The following TMEM132E variants were observed in gnomAD, a reference collection of about 807,000 sequenced individuals.
The protein encoded by TMEM132E is transmembrane protein 132E.
Under a neutral mutation model 78.5 loss-of-function variants are expected in TMEM132E, and 49 were observed. That is an observed-to-expected ratio of 0.62 (90% CI 0.50 to 0.79). The LOEUF (loss-of-function observed/expected upper bound fraction) is 0.79, where lower values mean the gene tolerates loss of function less well. Among genes scored for constraint, TMEM132E ranks in the 30% least tolerant of loss-of-function variants. The pLI, the probability that TMEM132E is intolerant of heterozygous loss-of-function variation, is 0.00. For synonymous variants in TMEM132E, 715 were observed against 670.6 expected, an observed-to-expected ratio of 1.07 and a Z score of -1.02; for missense variants, 1,403 against 1,470.9, an observed-to-expected ratio of 0.95 and a Z score of 0.75.
At chr17:34,609,199 G>T (rs991820553) in intron 1 of TMEM132E, among the ~76,000 whole-genome samples, 8 of 152,204 alleles carry the variant, frequency 5.3e-5, no homozygotes, top group African/African-American at 1.9e-4. Flanking sequence ...GCCCAGTTCT[G>T]CATGTGGCCT....
chr17:34,607,456 A>G (rs956403175), intron 1 of TMEM132E, among the ~76,000 whole-genome samples: 1 of 152,182 alleles, frequency 6.6e-6, no homozygotes, highest in African/African-American at 2.4e-5. Flanking sequence ...ACAATATTTC[A>G]GACACCAAAT....
At chr17:34,590,459 G>A (rs547098240) in intron 1 of TMEM132E, among the ~76,000 whole-genome samples, 1 of 152,232 alleles carries the variant, frequency 6.6e-6, no homozygotes, top group African/African-American at 2.4e-5. Context: ...GGAGGAAGAG[G>A]GAGAAATGTC....
At chr17:34,618,856 G>A (rs1215192835) in intron 1 of TMEM132E, among the ~76,000 whole-genome samples, 1 of 152,190 alleles carries the variant, frequency 6.6e-6, no homozygotes, top group Admixed American at 6.5e-5. Flanking sequence ...GGGAAGTACG[G>A]CCCTGGAGAG....
intron 1 of TMEM132E, among the ~76,000 whole-genome samples, chr17:34,594,200 C>T (rs1044744074): frequency 2.0e-5 from 3 of 152,184 alleles, no homozygotes; most frequent in Non-Finnish European, 4.4e-5. Flanking sequence ...TATCCCCAAC[C>T]CCTGGGGCCT....
intron 1 of TMEM132E, among the ~76,000 whole-genome samples, chr17:34,601,108 A>T (rs1274972580): frequency 6.6e-6 from 1 of 152,224 alleles, no homozygotes; most frequent in Admixed American, 6.5e-5. Flanking sequence ...TGCAGTTTTC[A>T]GGAGGATTTC....
chr17:34,596,988 C>A (rs1597678182), intron 1 of TMEM132E, among the ~76,000 whole-genome samples: 1 of 152,114 alleles, frequency 6.6e-6, no homozygotes, highest in East Asian at 1.9e-4. Context: ...TCCAGACACG[C>A]AGCCCCTCTG....
rs534238564 is a variant in TMEM132E at position 34,613,058 on chromosome 17, G to T, written c.68-13069G>T. On this transcript the variant is annotated intron_variant, in intron 1 of 8. Coordinates refer to ENST00000631683, the MANE Select transcript of TMEM132E (RefSeq NM_001304438.2). ...GCCCAGGGCTGAATGGGCTGGAGGG[G>T]TGAGGTGGTTCCCCAGCTTCCCCCA... is the stretch of plus-strand genomic sequence containing the variant. Among the ~76,000 whole-genome samples the T allele has an allele frequency of 1.7e-4, 26 of 151,876 alleles. No individual in the cohort carries two copies. In the East Asian group the frequency reaches 4.7e-3, roughly 27 times the overall value.
chr17:34,615,330 C>G (rs1390515494), intron 1 of TMEM132E, among the ~76,000 whole-genome samples: 2 of 152,150 alleles, frequency 1.3e-5, no homozygotes, highest in East Asian at 1.9e-4. Flanking sequence ...TAGTACCCCC[C>G]TCCCCGATTC....
intron 1 of TMEM132E, among the ~76,000 whole-genome samples, chr17:34,601,068 G>T (rs112349397): frequency 1.4e-3 from 207 of 152,322 alleles, no homozygotes; most frequent in Middle Eastern, 3.4e-3. Context: ...TGAAATTTGG[G>T]CAGCAACAGC....
At chr17:34,586,312 C>T (rs992547164) in intron 1 of TMEM132E, among the ~76,000 whole-genome samples, 2 of 151,906 alleles carry the variant, frequency 1.3e-5, no homozygotes, top group Non-Finnish European at 2.9e-5. Context: ...TTTTTAGGAA[C>T]ATAAATTTCT....
Position 34,626,827 on chromosome 17 carries a change from G to A in TMEM132E, c.768G>A (p.Val256=), listed in dbSNP as rs1306936127. The A allele has an allele frequency of 3.2e-6, 5 of 1,552,960 alleles. No homozygotes were observed. The highest frequency in any genetic ancestry group is 2.6e-6 in the Non-Finnish European group (3 of 1,155,288). Residue 256 remains valine, a synonymous_variant, in exon 2 of 9, where the codon GTG becomes GTA. Coordinates refer to ENST00000631683, the MANE Select transcript of TMEM132E (RefSeq NM_001304438.2). ...GGSRRGAGPG[V]GARAESPTQH... is the part of the protein sequence containing the mutation. Reference sequence around the variant, plus strand: ...CCCGCCGGGGGGCCGGGCCCGGGGTGGGGGCCCGAGCGGAAAGCCCTACCC... The same window carrying A: ...CCCGCCGGGGGGCCGGGCCCGGGGTAGGGGCCCGAGCGGAAAGCCCTACCC...
intron 5 of TMEM132E, among the ~76,000 whole-genome samples, chr17:34,631,131 C>T (rs943178938): frequency 6.6e-6 from 1 of 152,222 alleles, no homozygotes; most frequent in Non-Finnish European, 1.5e-5. Context: ...AGTTGGAATG[C>T]AGATGTCCTT....
Position 34,626,732 on chromosome 17 carries a change from G to A in TMEM132E, c.673G>A (p.Gly225Arg). Residue 225 changes from glycine to arginine, a missense_variant, in exon 2 of 9, where the codon GGG (glycine) becomes AGG (arginine). Around this residue, in one of 3 missense-constraint regions of TMEM132E, gnomAD observed 511 missense variants for 499.0 expected, o/e 1.02. Coordinates refer to ENST00000631683, the MANE Select transcript of TMEM132E (RefSeq NM_001304438.2). Reference protein sequence around the residue: ...SPDGLEPEATGESQQAELYYT... With the variant: ...SPDGLEPEATRESQQAELYYT... ...GGACGGGCTGGAGCCCGAGGCGACG[G>A]GGGAGAGCCAGCAGGCCGAGCTCTA... 1 of 1,376,902 alleles carries A rather than the reference G, an allele frequency of 7.3e-7. No homozygotes were observed. The highest frequency in any genetic ancestry group is 9.6e-7 in the Non-Finnish European group (1 of 1,046,462). The allele number at this position is 1,376,902 out of a possible 1,614,324, so 85.3% of individuals were successfully genotyped here. A position where few individuals can be genotyped will look rare whatever the true frequency, so the allele number is the denominator to read the frequency against.
chr17:34,583,692 T>A (rs1320961127), intron 1 of TMEM132E, among the ~76,000 whole-genome samples: 1 of 152,250 alleles, frequency 6.6e-6, no homozygotes. Context: ...GGGAGCCAAG[T>A]AGCCTGGGTT....
chr17:34,629,914 T>G (rs1387879689), intron 4 of TMEM132E, 94 bp from the exon 5 acceptor site: 5 of 1,210,602 alleles, frequency 4.1e-6, no homozygotes, highest in African/African-American at 1.5e-5. Flanking sequence ...ATCTGAGGAG[T>G]GGGGGGGGAG....
chr17:34,596,171 G>A (rs1326010794), intron 1 of TMEM132E, among the ~76,000 whole-genome samples: 1 of 152,112 alleles, frequency 6.6e-6, no homozygotes, highest in African/African-American at 2.4e-5. Context: ...GTGGCAAGAG[G>A]AATTGGTATT....
chr17:34,637,166 T>C lies in TMEM132E; in HGVS notation c.2170-11T>C, dbSNP rs758223824. On this transcript the variant is annotated splice_polypyrimidine_tract_variant and intron_variant, in intron 8 of 8. Transcript: ENST00000631683. ...TTTGACTCCTATCCCCTCCTTCTCC[T>C]TCTCCTCCAGGAAGCCCTACTGAGC... The C allele has an allele frequency of 1.8e-5, 28 of 1,588,726 alleles. No homozygotes were observed. Among genetic ancestry groups the C allele is most frequent in the Non-Finnish European group, 1.9e-5 (22 of 1,163,914 alleles).
rs1454841174 is a variant in TMEM132E, at chr17:34,636,102, G to A, written c.2073G>A (p.Val691=). The A allele has an allele frequency of 5.0e-6, 8 of 1,594,930 alleles. No individual in the cohort carries two copies. Among genetic ancestry groups the A allele is most frequent in the African/African-American group, 4.1e-5 (3 of 73,788 alleles). ...VSITQLQAQV[V]ASLALSLRPS... is the part of the protein sequence containing the mutation. ...TCACACAGCTTCAGGCCCAGGTGGT[G>A]GCCAGCCTGGCCCTCTCCCTGCGGC... Residue 691 remains valine, a synonymous_variant, in exon 8 of 9, where the codon GTG becomes GTA. Coordinates refer to ENST00000631683, the MANE Select transcript of TMEM132E (RefSeq NM_001304438.2).
intron 1 of TMEM132E, among the ~76,000 whole-genome samples, chr17:34,624,346 A>T (rs988426314): frequency 7.9e-5 from 12 of 152,162 alleles, no homozygotes; most frequent in African/African-American, 2.9e-4. Flanking sequence ...GTCTCTGCAG[A>T]TCACTCAGTG....
Sources: allele counts gnomAD v4.1 joint callset (sites outside exome capture counted in the v4.1 genomes callset), GRCh38; gene constraint gnomAD v4.1.1; regional missense constraint gnomAD v4.1.1; transcripts MANE v1.5; gene names NCBI Gene and HGNC (gene_info 2026-07-23, HGNC 2026-07-21).